FAM151B: variants seen among roughly 807,000 people sequenced by gnomAD.
FAM151B encodes the protein protein FAM151B.
Under a neutral mutation model 31.2 loss-of-function variants are expected in FAM151B, and 24 were observed. That is an observed-to-expected ratio of 0.77 (90% CI 0.56 to 1.08). The LOEUF (loss-of-function observed/expected upper bound fraction) is 1.08. Among genes scored for constraint, FAM151B ranks in the 50% least tolerant of loss-of-function variants. The probability of loss-of-function intolerance (pLI) is 0.00; values close to 1 mark genes in which losing one functional copy is unlikely to be tolerated. For synonymous variants in FAM151B, 105 were observed against 111.4 expected (o/e 0.94, Z 0.36); for missense variants, 293 against 328.6 (o/e 0.89, Z 0.84).
intron 5 of FAM151B, among the ~76,000 whole-genome samples, chr5:80,533,646 A>G (rs1173643284): frequency 1.4e-5 from 2 of 147,560 alleles, no homozygotes; most frequent in South Asian, 2.2e-4. Context: ...GCTACTCAGG[A>G]GGCTGATGCA....
At chr5:80,518,015 T>C (rs1744539315) in intron 3 of FAM151B, among the ~76,000 whole-genome samples, 2 of 144,434 alleles carry the variant, frequency 1.4e-5, no homozygotes, top group Admixed American at 1.5e-4. Flanking sequence ...GAGGTTACGG[T>C]GAGCAGAGAT....
chr5:80,506,814 G>T (rs142968112), intron 2 of FAM151B, among the ~76,000 whole-genome samples: 2 of 152,240 alleles, frequency 1.3e-5, no homozygotes, highest in African/African-American at 4.8e-5. Flanking sequence ...GAGGTTGAGA[G>T]ATTGTTTTGA....
chr5:80,517,997 G>A (rs765518323), intron 3 of FAM151B, among the ~76,000 whole-genome samples: 7 of 151,606 alleles, frequency 4.6e-5, no homozygotes, highest in Non-Finnish European at 7.4e-5. Context: ...GCTTGAACCC[G>A]GGATGCAGAG....
intron 5 of FAM151B, among the ~76,000 whole-genome samples, chr5:80,527,710 G>A (rs192637132): frequency 2.4e-4 from 37 of 152,152 alleles, no homozygotes; most frequent in Admixed American, 9.2e-4. Context: ...TACCATTTCC[G>A]GAGCTTGCAG....
chr5:80,510,457 A>G (rs1342861981), intron 2 of FAM151B, among the ~76,000 whole-genome samples: 1 of 152,210 alleles, frequency 6.6e-6, no homozygotes, highest in Non-Finnish European at 1.5e-5. Context: ...CTAGGCCTAG[A>G]ACTGACAGTT....
At chr5:80,490,216 A>G (rs947266253) in intron 1 of FAM151B, among the ~76,000 whole-genome samples, 2 of 152,126 alleles carry the variant, frequency 1.3e-5, no homozygotes, top group Admixed American at 6.5e-5. Context: ...GGGAGGCCTT[A>G]TCTCTCCAAA....
chr5:80,532,249 G>T (rs1486223124), intron 5 of FAM151B, among the ~76,000 whole-genome samples: 3 of 151,100 alleles, frequency 2.0e-5, no homozygotes, highest in Non-Finnish European at 4.4e-5. Flanking sequence ...GGGATAGCAT[G>T]AGGAGATATA....
intron 5 of FAM151B, among the ~76,000 whole-genome samples, chr5:80,538,380 C>CTT (rs767312791): frequency 2.6e-5 from 1 of 37,910 alleles, no homozygotes; most frequent in Non-Finnish European, 4.8e-5. Context: ...CTTTTTCTTT[C>CTT]TTTCTTTCTT....
chr5:80,525,601 T>C (rs1480770550), intron 5 of FAM151B, among the ~76,000 whole-genome samples: 3 of 152,098 alleles, frequency 2.0e-5, no homozygotes, highest in African/African-American at 7.2e-5. Flanking sequence ...TCTCCAACGG[T>C]CATCTAGAGC....
chr5:80,501,744 A>G (rs754217166), intron 1 of FAM151B, 48 bp from the exon 2 acceptor site: 37 of 1,453,908 alleles, frequency 2.5e-5, no homozygotes, highest in Non-Finnish European at 3.3e-5. Context: ...TAAAAATTTT[A>G]CCCTATAAAA....
At chr5:80,489,433 T>C (rs2112590916) in intron 1 of FAM151B, among the ~76,000 whole-genome samples, 1 of 152,260 alleles carries the variant, frequency 6.6e-6, no homozygotes, top group East Asian at 1.9e-4. Flanking sequence ...TCAGTATAAA[T>C]CCTTTTAATG....
At chr5:80,529,302 G>A (rs1363534470) in intron 5 of FAM151B, among the ~76,000 whole-genome samples, 5 of 151,808 alleles carry the variant, frequency 3.3e-5, no homozygotes, top group East Asian at 1.9e-4. Flanking sequence ...TCTAAAATTG[G>A]CACCCTAACA....
intron 1 of FAM151B, among the ~76,000 whole-genome samples, chr5:80,494,762 C>T (rs1743468143): frequency 6.6e-6 from 1 of 152,088 alleles, no homozygotes; most frequent in South Asian, 2.1e-4. Flanking sequence ...GATCCTCCCA[C>T]CTCAGCCTCC....
At chr5:80,532,402 A>C (rs1745284251) in intron 5 of FAM151B, among the ~76,000 whole-genome samples, 1 of 152,190 alleles carries the variant, frequency 6.6e-6, no homozygotes, top group Admixed American at 6.5e-5. Flanking sequence ...ACTATAAGAG[A>C]CTAAGAAGAT....
intron 2 of FAM151B, among the ~76,000 whole-genome samples, chr5:80,502,866 T>C (rs567649223): frequency 6.6e-6 from 1 of 152,348 alleles, no homozygotes; most frequent in East Asian, 1.9e-4. Context: ...GTTGAATCCT[T>C]AATGCCTGAA....
rs1008779259 is a variant in FAM151B, at chr5:80,522,062, G to A, written c.595G>A (p.Val199Ile). 2.5e-6 allele frequency: 4 copies of A among 1,612,802 alleles called. No homozygotes were observed. The highest frequency in any genetic ancestry group is 2.2e-5 in the South Asian group (2 of 90,918). The change falls in exon 5 of 6, where the codon GTA becomes ATA. Residue 199 changes from valine (V) to isoleucine (I), a missense_variant. Physicochemically the swap from Val to Ile is conservative, Grantham distance 29 (BLOSUM62 3). Coordinates refer to ENST00000282226, the MANE Select transcript of FAM151B (RefSeq NM_205548.3). Reference sequence around the variant, plus strand: ...TATATGTAATGAACTAAGTCAGCCTGTAACGTTCCCTGTCAGAGCAGCATT... The same window carrying A: ...TATATGTAATGAACTAAGTCAGCCTATAACGTTCCCTGTCAGAGCAGCATT... Reference protein sequence around the residue: ...EYICNELSQPVTFPVRAALVR... With the variant: ...EYICNELSQPITFPVRAALVR...
At chr5:80,494,996 GAAAATCAC>G (rs1743477123) in intron 1 of FAM151B, 1 of 152,122 alleles carries the variant, frequency 6.6e-6, no homozygotes, top group East Asian at 1.9e-4. Flanking sequence ...TTACTATACT[GAAAATCAC>G]AGGGTCCTTA....
At chr5:80,514,037 A>G (rs1448861936) in intron 3 of FAM151B, among the ~76,000 whole-genome samples, 1 of 152,238 alleles carries the variant, frequency 6.6e-6, no homozygotes, top group Admixed American at 6.5e-5. Flanking sequence ...AAAATGCTAC[A>G]TATGTTAAAA....
Position 80,488,535 on chromosome 5 carries a change from T to G in FAM151B, c.25+387T>G, listed in dbSNP as rs536249081. Among the ~76,000 whole-genome samples, 17 of 152,346 alleles carry G rather than the reference T, an allele frequency of 1.1e-4. 1 individual carries two copies. Among genetic ancestry groups the G allele is most frequent in the African/African-American group, 3.8e-4 (16 of 41,594 alleles). ...CTGGGGGAGGTTTGGGAATGCGGAC[T>G]GGGCCGGGCCCGGCATAGTCCCGCT... is the stretch of plus-strand genomic sequence containing the variant. On this transcript the variant is annotated intron_variant, in intron 1 of 5. Transcript: ENST00000282226.
Sources: allele counts gnomAD v4.1 joint callset (sites outside exome capture counted in the v4.1 genomes callset), GRCh38; gene constraint gnomAD v4.1.1; transcripts MANE v1.5; gene names NCBI Gene and HGNC (gene_info 2026-07-23, HGNC 2026-07-21).